The following COL22A1 variants were observed in gnomAD, a reference collection of about 807,000 sequenced individuals.
COL22A1 encodes the protein collagen type XXII alpha 1 chain, also known as collagen alpha-1(XXII) chain.
In COL22A1, 221 loss-of-function variants were observed where a neutral mutation model predicts 248.9. That is an observed-to-expected ratio of 0.89 (90% confidence interval 0.80 to 0.99). The LOEUF (loss-of-function observed/expected upper bound fraction) is 0.99, where lower values mean the gene tolerates loss of function less well. Among genes scored for constraint, COL22A1 ranks in the 50% least tolerant of loss-of-function variants. The pLI is 0.00. For synonymous variants in COL22A1, 891 were observed against 793.4 expected, an observed-to-expected ratio of 1.12 and a Z score of -2.07; for missense variants, 2,240 against 2,179.0, an observed-to-expected ratio of 1.03 and a Z score of -0.56.
intron 35 of COL22A1, among the ~76,000 whole-genome samples, chr8:138,693,208 A>G (rs1347774834): frequency 3.3e-5 from 5 of 151,826 alleles, no homozygotes; most frequent in African/African-American, 1.2e-4. Flanking sequence ...GTGTGCATAG[A>G]GGTGTCTGTA....
At chr8:138,909,975 CACAA>C (rs1261248864) in intron 1 of COL22A1, among the ~76,000 whole-genome samples, 1 of 152,196 alleles carries the variant, frequency 6.6e-6, no homozygotes, top group African/African-American at 2.4e-5. Flanking sequence ...GAAATCTTGT[CACAA>C]ACAAAAATGC....
intron 59 of COL22A1, among the ~76,000 whole-genome samples, chr8:138,603,022 G>A (rs1818159855): frequency 6.6e-6 from 1 of 152,204 alleles, no homozygotes; most frequent in African/African-American, 2.4e-5. Context: ...TTCAGCCCGG[G>A]GGCTCTTTTC....
intron 4 of COL22A1, among the ~76,000 whole-genome samples, chr8:138,836,384 G>A (rs755585622): frequency 6.6e-6 from 1 of 152,236 alleles, no homozygotes; most frequent in Non-Finnish European, 1.5e-5. Flanking sequence ...GTGTCTGCCT[G>A]TCTGCCAGTG....
Position 138,780,963 on chromosome 8 carries a change from G to A in COL22A1, c.1614C>T (p.Pro538=), listed in dbSNP as rs146125978. The part of the protein sequence containing the change: ...EKGEKGSLGL[P]GPPGRDGSKG... Reference sequence around the variant, plus strand: ...TGCTGCCGTCTCTCCCAGGGGGGCCGGGCAGGCCCAGGGAACCCTAAAGCC... The same window carrying A: ...TGCTGCCGTCTCTCCCAGGGGGGCCAGGCAGGCCCAGGGAACCCTAAAGCC... The change falls in exon 13 of 65, where the codon CCC becomes CCT. Residue 538 remains proline (P), a synonymous_variant. Transcript: ENST00000303045. The A allele has an allele frequency of 6.2e-4, 1,002 of 1,607,348 alleles. 12 individuals are homozygous for A. The African/African-American group carries it at 0.011, about 18-fold the overall frequency.
At chr8:138,783,064 T>C (rs1815170541) in intron 12 of COL22A1, among the ~76,000 whole-genome samples, 1 of 151,784 alleles carries the variant, frequency 6.6e-6, no homozygotes, top group African/African-American at 2.4e-5. Context: ...CCCTGAGGGG[T>C]AGTAACTTCA....
intron 7 of COL22A1, among the ~76,000 whole-genome samples, chr8:138,814,255 G>A (rs1427135885): frequency 6.6e-6 from 1 of 152,210 alleles, no homozygotes; most frequent in Non-Finnish European, 1.5e-5. Flanking sequence ...TGAGCAACGA[G>A]CAATCTCCCA....
rs140064586 is a variant in COL22A1 at position 138,799,353 on chromosome 8, C to G, written c.1558-2496G>C. Among the ~76,000 whole-genome samples, 20 of 152,210 alleles carry G rather than the reference C, an allele frequency of 1.3e-4. 1 individual carries two copies. The highest frequency in any genetic ancestry group is 4.8e-4 in the African/African-American group (20 of 41,544). ...AGTTTCTCTTGTCTGCTGCCTTTTTCGGTTTATGTCACATTTTTCTGTTTC... is the reference window on the plus strand; with the variant it reads ...AGTTTCTCTTGTCTGCTGCCTTTTTGGGTTTATGTCACATTTTTCTGTTTC... On this transcript the variant is annotated intron_variant, in intron 11 of 64. Transcript: ENST00000303045.
At chr8:138,817,407 T>C (rs1023275111) in intron 7 of COL22A1, among the ~76,000 whole-genome samples, 3 of 152,136 alleles carry the variant, frequency 2.0e-5, no homozygotes, top group African/African-American at 7.2e-5. Context: ...CCTGTGGGTG[T>C]TGATGCCTGC....
At chr8:138,674,214 G>T (rs1825303942) in intron 41 of COL22A1, among the ~76,000 whole-genome samples, 1 of 152,156 alleles carries the variant, frequency 6.6e-6, no homozygotes, top group Non-Finnish European at 1.5e-5. Flanking sequence ...ACCAAATGAG[G>T]AGGTAGATGT....
At chr8:138,655,340 G>T (rs1383841623) in intron 45 of COL22A1, among the ~76,000 whole-genome samples, 4 of 152,034 alleles carry the variant, frequency 2.6e-5, no homozygotes, top group African/African-American at 9.7e-5. Context: ...GAGTGATCAA[G>T]CACCTAAATT....
At chr8:138,696,621 A>G (rs905539866) in intron 32 of COL22A1, among the ~76,000 whole-genome samples, 2 of 152,092 alleles carry the variant, frequency 1.3e-5, no homozygotes, top group Non-Finnish European at 2.9e-5. Flanking sequence ...GCAGTTGGAG[A>G]CCACATGGCC....
At chr8:138,740,643 C>T (rs928211358) in intron 22 of COL22A1, among the ~76,000 whole-genome samples, 1 of 152,032 alleles carries the variant, frequency 6.6e-6, no homozygotes, top group African/African-American at 2.4e-5. Flanking sequence ...GTAGGAGGCG[C>T]GTGGTAGACA....
At chr8:138,846,623 G>A (rs956052212) in intron 3 of COL22A1, among the ~76,000 whole-genome samples, 1 of 151,940 alleles carries the variant, frequency 6.6e-6, no homozygotes, top group Non-Finnish European at 1.5e-5. Context: ...CCTGGGGATG[G>A]TGGGGTCCTC....
intron 10 of COL22A1, among the ~76,000 whole-genome samples, 153 bp from the exon 11 acceptor site, chr8:138,803,087 C>A (rs1817141299): frequency 6.6e-6 from 1 of 152,188 alleles, no homozygotes; most frequent in South Asian, 2.1e-4. Context: ...TGTCCCACCC[C>A]TGGAGAGGAG....
intron 7 of COL22A1, among the ~76,000 whole-genome samples, chr8:138,813,641 GTTT>G (rs1818435456): frequency 3.0e-5 from 2 of 66,480 alleles, no homozygotes; most frequent in African/African-American, 4.8e-5. Flanking sequence ...AAAGTCCAGC[GTTT>G]CGTTCTACAC....
At chr8:138,823,954 G>A (rs575209061) in intron 6 of COL22A1, among the ~76,000 whole-genome samples, 2 of 152,302 alleles carry the variant, frequency 1.3e-5, no homozygotes, top group East Asian at 3.9e-4. Flanking sequence ...ACGTAGTGCA[G>A]GGGGATCAGC....
At chr8:138,803,640 G>A (rs142996935) in intron 10 of COL22A1, among the ~76,000 whole-genome samples, 7 of 152,242 alleles carry the variant, frequency 4.6e-5, no homozygotes, top group Non-Finnish European at 1.0e-4. Context: ...TAACTGTCCA[G>A]GAGGAGAAAG....
intron 37 of COL22A1, 83 bp from the exon 38 acceptor site, chr8:138,685,395 G>T: frequency 8.8e-7 from 1 of 1,130,232 alleles, no homozygotes; most frequent in Non-Finnish European, 1.3e-6. Context: ...GAGTAGGTTT[G>T]TAGGTTTCCT....
chr8:138,675,843 T>C (rs574534557), intron 41 of COL22A1, among the ~76,000 whole-genome samples: 36 of 152,308 alleles, frequency 2.4e-4, no homozygotes, highest in African/African-American at 8.7e-4. Flanking sequence ...TTATTCTCAA[T>C]GAAAACAAAA....
Sources: allele counts gnomAD v4.1 joint callset (sites outside exome capture counted in the v4.1 genomes callset), GRCh38; gene constraint gnomAD v4.1.1; transcripts MANE v1.5; gene names NCBI Gene and HGNC (gene_info 2026-07-23, HGNC 2026-07-21).